The following TRDMT1 variants were observed in gnomAD, a reference collection of about 807,000 sequenced individuals.
TRDMT1 encodes the protein tRNA aspartic acid methyltransferase 1.
In TRDMT1, 49 loss-of-function variants were observed where a neutral mutation model predicts 51.2. That is an observed-to-expected ratio of 0.96 (90% CI 0.76 to 1.21). TRDMT1 has a LOEUF of 1.21. TRDMT1 is among the 50% of genes most tolerant of loss of function. The pLI, the probability that TRDMT1 is intolerant of heterozygous loss-of-function variation, is 0.00. For synonymous variants in TRDMT1, 187 were observed against 164.6 expected (o/e 1.14, Z -1.04); for missense variants, 534 against 462.3 (o/e 1.16, Z -1.42).
At position 17,144,042 on chromosome 10, in the gene TRDMT1, G is replaced by A. The variant is rs1420903027; in HGVS notation, c.*4998C>T. On this transcript the variant is annotated 3_prime_UTR_variant, in exon 11 of 11. Transcript: ENST00000377799. ...GTCATCTGGGTGTCATCGGCAAAAT[G>A]GCTGAAGTTGTAGGAAAGGGTGAGA... 1 of 985,304 alleles carries A rather than the reference G, an allele frequency of 1.0e-6. No homozygotes were observed. Among genetic ancestry groups the A allele is most frequent in the Non-Finnish European group, 1.2e-6 (1 of 829,956 alleles). The allele number at this position is 985,304 out of a possible 1,614,324, so 61.0% of individuals were successfully genotyped here. A position where few individuals can be genotyped will look rare whatever the true frequency, so the allele number is the denominator to read the frequency against.
chr10:17,191,208 C>T (rs1319010639), intron 1 of TRDMT1, among the ~76,000 whole-genome samples: 1 of 152,130 alleles, frequency 6.6e-6, no homozygotes, highest in Non-Finnish European at 1.5e-5. Context: ...GTCTCTAGCC[C>T]AAGCAGGCCT....
At chr10:17,190,941 C>T (rs1226214938) in intron 1 of TRDMT1, among the ~76,000 whole-genome samples, 1 of 152,148 alleles carries the variant, frequency 6.6e-6, no homozygotes, top group Non-Finnish European at 1.5e-5. Flanking sequence ...AGCAAGACAG[C>T]ATGGGAGAAG....
chr10:17,157,945 C>T (rs993338264), intron 7 of TRDMT1, among the ~76,000 whole-genome samples, 161 bp from the exon 8 acceptor site: 19 of 152,214 alleles, frequency 1.2e-4, no homozygotes, highest in Admixed American at 1.2e-3. Flanking sequence ...CAAGTTATTA[C>T]ACGTTATTAA....
chr10:17,169,747 C>T (rs759702950), intron 2 of TRDMT1, among the ~76,000 whole-genome samples: 7 of 152,130 alleles, frequency 4.6e-5, no homozygotes, highest in South Asian at 2.1e-4. Context: ...AGTGAGTTAA[C>T]GTGGGAACAT....
chr10:17,169,257 T>C, intron 2 of TRDMT1: 1 of 972,976 alleles, frequency 1.0e-6, no homozygotes, highest in Non-Finnish European at 1.3e-6. Context: ...AACCTTATTT[T>C]ATAATTGATA....
chr10:17,199,128 G>A (rs1845825648), intron 1 of TRDMT1, among the ~76,000 whole-genome samples: 1 of 152,152 alleles, frequency 6.6e-6, no homozygotes, highest in South Asian at 2.1e-4. Context: ...ACCTGGAAAG[G>A]AGCAATGCAT....
In TRDMT1 at chr10:17,157,497, A is replaced by G. The variant is rs1232331612; in HGVS notation, c.831T>C (p.Ala277=). Reference sequence around the variant, plus strand: ...TGGGCTGAACAATGTCTAACAGAAGAGCATATCGCAGCAATGACTTTGGTG... The same window carrying G: ...TGGGCTGAACAATGTCTAACAGAAGGGCATATCGCAGCAATGACTTTGGTG... ...LLPPKSLLRY[A]LLLDIVQPTC... is the part of the protein sequence containing the mutation. Residue 277 remains alanine (A), a synonymous_variant, in exon 8 of 11, where the codon GCT becomes GCC. Coordinates refer to ENST00000377799, the MANE Select transcript of TRDMT1 (RefSeq NM_004412.7). The G allele has an allele frequency of 3.1e-6, 5 of 1,614,012 alleles. No individual in the cohort carries two copies. The highest frequency in any genetic ancestry group is 4.2e-6 in the Non-Finnish European group (5 of 1,179,888).
At chr10:17,198,375 T>C (rs1311742150) in intron 1 of TRDMT1, among the ~76,000 whole-genome samples, 6 of 152,204 alleles carry the variant, frequency 3.9e-5, no homozygotes, top group African/African-American at 1.4e-4. Flanking sequence ...CTACTCACAA[T>C]GGTCAGCAGG....
intron 1 of TRDMT1, 39 bp from the exon 2 acceptor site, chr10:17,174,699 T>C (rs775829184): frequency 6.4e-5 from 91 of 1,414,482 alleles, no homozygotes; most frequent in Non-Finnish European, 8.5e-5. Flanking sequence ...AGAAAAGTCC[T>C]TAAGTTCATT....
chr10:17,152,102 GA>G, intron 10 of TRDMT1: 6 of 1,286,768 alleles, frequency 4.7e-6, no homozygotes, highest in South Asian at 2.5e-5. Context: ...TTGCTCATCT[GA>G]AAAAAGGAAA....
In TRDMT1 at chr10:17,142,806, C is replaced by T; in HGVS notation, c.*6234G>A. On this transcript the variant is annotated 3_prime_UTR_variant, in exon 11 of 11. Transcript: ENST00000377799. ...CAGATGTCTTGGAACCATGTTGTTC[C>T]TCTAGTCTTGGGGTCCCTCCGCAGT... is the stretch of plus-strand genomic sequence containing the variant. 4.6e-6 allele frequency: 1 copy of T among 216,872 alleles called. No individual in the cohort carries two copies. Among genetic ancestry groups the T allele is most frequent in the Non-Finnish European group, 7.9e-6 (1 of 127,224 alleles). 13.4% of individuals were successfully genotyped at this position (216,872 alleles called of 1,614,324 possible).
intron 1 of TRDMT1, chr10:17,200,542 C>T (rs1219298772): frequency 6.0e-6 from 1 of 167,654 alleles, no homozygotes; most frequent in African/African-American, 2.4e-5. Context: ...TACTCTTGGT[C>T]CTAAATAAGG....
chr10:17,150,355 C>G (rs1350101394), intron 10 of TRDMT1: 16 of 979,604 alleles, frequency 1.6e-5, no homozygotes. Flanking sequence ...TGGTAAGAGT[C>G]CTTTACCTAT....
rs1402723903 is a variant in TRDMT1 at position 17,142,999 on chromosome 10, G to C, written c.*6041C>G. 1 of 985,270 alleles carries C rather than the reference G, an allele frequency of 1.0e-6. No homozygotes were observed. The highest frequency in any genetic ancestry group is 1.7e-5 in the African/African-American group (1 of 57,222). 61.0% of individuals were successfully genotyped at this position (985,270 alleles called of 1,614,324 possible). A position where few individuals can be genotyped will look rare whatever the true frequency, so the allele number is the denominator to read the frequency against. On this transcript the variant is annotated 3_prime_UTR_variant, in exon 11 of 11. Transcript: ENST00000377799. ...AAGTCAGAATACAGTATTTTAAAAA[G>C]TTTTATTTGCGCTACTTTCCAAAAG...
intron 3 of TRDMT1, among the ~76,000 whole-genome samples, chr10:17,165,101 G>A (rs1458847245): frequency 3.9e-5 from 6 of 152,064 alleles, no homozygotes; most frequent in Non-Finnish European, 8.8e-5. Flanking sequence ...GAGGCATCAC[G>A]CTACCTGACT....
chr10:17,169,513 T>A (rs1314260660), intron 2 of TRDMT1: 2 of 1,289,848 alleles, frequency 1.6e-6, no homozygotes, highest in Admixed American at 4.6e-5. Flanking sequence ...GCTAAGTAGC[T>A]GAAAACTGTG....
chr10:17,178,000 A>G (rs1398975284), intron 1 of TRDMT1, among the ~76,000 whole-genome samples: 1 of 152,230 alleles, frequency 6.6e-6, no homozygotes, highest in African/African-American at 2.4e-5. Flanking sequence ...TAGATAATAT[A>G]ATGCAGTTTG....
rs746318083 is a variant in TRDMT1 at position 17,159,156 on chromosome 10, G to A, written c.533C>T (p.Ala178Val). 6.3e-7 allele frequency: 1 copy of A among 1,592,420 alleles called. No homozygotes were observed. Among genetic ancestry groups the A allele is most frequent in the Admixed American group, 1.8e-5 (1 of 56,946 alleles). ...TTCCAATAATAATACCTGACCAGGG[G>A]CTTGAAAGGGTAATGGCTCTGACTG... ...KLQSEPLPFQ[A>V]PGQVLMEFPK... is the part of the protein sequence containing the mutation. Residue 178 changes from alanine to valine, a missense_variant, in exon 7 of 11, where the codon GCC (alanine) becomes GTC (valine). Transcript: ENST00000377799.
chr10:17,191,402 A>C (rs553819390), intron 1 of TRDMT1, among the ~76,000 whole-genome samples: 1 of 152,376 alleles, frequency 6.6e-6, no homozygotes, highest in East Asian at 1.9e-4. Context: ...TGCTTTGTCC[A>C]GGGTCCCAGA....
Sources: allele counts gnomAD v4.1 joint callset (sites outside exome capture counted in the v4.1 genomes callset), GRCh38; gene constraint gnomAD v4.1.1; transcripts MANE v1.5; gene names NCBI Gene and HGNC (gene_info 2026-07-23, HGNC 2026-07-21).